The following LYPD6 variants were observed in gnomAD, a reference collection of about 807,000 sequenced individuals.
LYPD6 encodes the protein ly6/PLAUR domain-containing protein 6.
A neutral mutation model predicts 22.7 loss-of-function variants in LYPD6; 15 were observed. The observed-to-expected ratio is 0.66, with a 90% CI of 0.44 to 1.02. The LOEUF is 1.02. Among genes scored for constraint, LYPD6 ranks in the 50% least tolerant of loss-of-function variants. The pLI is 0.00. For missense variants in LYPD6, 189 were observed against 208.4 expected, an observed-to-expected ratio of 0.91 and a Z score of 0.57; for synonymous variants, 72 against 77.5, an observed-to-expected ratio of 0.93 and a Z score of 0.37.
intron 1 of LYPD6, among the ~76,000 whole-genome samples, chr2:149,331,899 C>A (rs1164070250): frequency 6.6e-6 from 1 of 152,142 alleles, no homozygotes; most frequent in South Asian, 2.1e-4. Context: ...TTGCAGATGC[C>A]ATGATATTAT....
intron 1 of LYPD6, among the ~76,000 whole-genome samples, chr2:149,345,111 A>G (rs1040187919): frequency 2.0e-5 from 3 of 152,042 alleles, no homozygotes; most frequent in Non-Finnish European, 2.9e-5. Flanking sequence ...CCCCGACCCC[A>G]TCTCTGAAAA....
intron 1 of LYPD6, among the ~76,000 whole-genome samples, chr2:149,405,310 T>C (rs1254302253): frequency 9.9e-5 from 15 of 152,266 alleles, no homozygotes; most frequent in African/African-American, 3.6e-4. Flanking sequence ...GAAGCAATGG[T>C]ACCAGTTCCT....
At chr2:149,414,042 T>A (rs564623092) in intron 1 of LYPD6, among the ~76,000 whole-genome samples, 1 of 152,236 alleles carries the variant, frequency 6.6e-6, no homozygotes, top group Non-Finnish European at 1.5e-5. Flanking sequence ...TGGCCACTTT[T>A]CCCTAGAACT....
chr2:149,330,742 C>T lies in LYPD6; in HGVS notation c.-72+20C>T, dbSNP rs1680920024. ...GCCCGGGTGAGTAGAGGCGGGCTTC[C>T]CGGGAGAGCACAAAAGAACAGGGGA... On this transcript the variant is annotated intron_variant, in intron 1 of 4. Coordinates refer to ENST00000334166, the MANE Select transcript of LYPD6 (RefSeq NM_194317.5). 6.6e-6 allele frequency: 1 copy of T among 152,258 alleles called. No individual in the cohort carries two copies. Among genetic ancestry groups the T allele is most frequent in the African/African-American group, 2.4e-5 (1 of 41,452 alleles). The allele number at this position is 152,258 out of a possible 1,614,324, so 9.4% of individuals were successfully genotyped here. A position where few individuals can be genotyped will look rare whatever the true frequency, so the allele number is the denominator to read the frequency against.
chr2:149,385,525 G>A (rs1011685809), intron 1 of LYPD6, among the ~76,000 whole-genome samples: 1 of 152,158 alleles, frequency 6.6e-6, no homozygotes, highest in Admixed American at 6.6e-5. Context: ...AAAATTCAGG[G>A]ACTTAGCTGG....
chr2:149,456,780 A>G (rs925832246), intron 3 of LYPD6, among the ~76,000 whole-genome samples: 1 of 152,182 alleles, frequency 6.6e-6, no homozygotes, highest in African/African-American at 2.4e-5. Context: ...TTAAGCATTC[A>G]TTCGGTGGTT....
At chr2:149,467,787 TAGAG>T (rs1302968062) in intron 3 of LYPD6, among the ~76,000 whole-genome samples, 1 of 152,154 alleles carries the variant, frequency 6.6e-6, no homozygotes, top group African/African-American at 2.4e-5. Flanking sequence ...ATCCCAGACT[TAGAG>T]AGCTGAACAT....
chr2:149,340,799 T>G (rs1681146567), intron 1 of LYPD6, among the ~76,000 whole-genome samples: 1 of 152,172 alleles, frequency 6.6e-6, no homozygotes, highest in Non-Finnish European at 1.5e-5. Context: ...TAGACTAAAA[T>G]AAATAAACAT....
chr2:149,478,153 G>T (rs150930804), downstream of LYPD6, among the ~76,000 whole-genome samples: 7 of 152,220 alleles, frequency 4.6e-5, no homozygotes, highest in African/African-American at 1.7e-4. Context: ...AACTTGATTA[G>T]CTGGGCTCAT....
chr2:149,466,772 A>G (rs1302990040), intron 3 of LYPD6, among the ~76,000 whole-genome samples: 1 of 152,212 alleles, frequency 6.6e-6, no homozygotes, highest in Admixed American at 6.5e-5. Flanking sequence ...TACTCATTCC[A>G]TAAGCCTATG....
chr2:149,331,674 A>G (rs1407314032), intron 1 of LYPD6, among the ~76,000 whole-genome samples: 1 of 152,158 alleles, frequency 6.6e-6, no homozygotes, highest in Non-Finnish European at 1.5e-5. Flanking sequence ...GGTCTTTGGT[A>G]GTCACTTGTT....
chr2:149,436,382 A>G (rs1457136284), intron 1 of LYPD6, among the ~76,000 whole-genome samples: 2 of 152,220 alleles, frequency 1.3e-5, no homozygotes, highest in Admixed American at 6.5e-5. Flanking sequence ...AATAAGCTTT[A>G]TAGGAAACCA....
chr2:149,372,451 A>G (rs1012114696), intron 1 of LYPD6, among the ~76,000 whole-genome samples: 4 of 152,222 alleles, frequency 2.6e-5, no homozygotes, highest in Non-Finnish European at 4.4e-5. Flanking sequence ...TTCCTCTTAA[A>G]TACTGTTGTC....
At chr2:149,336,523 G>A (rs1273509887) in intron 1 of LYPD6, among the ~76,000 whole-genome samples, 2 of 152,142 alleles carry the variant, frequency 1.3e-5, no homozygotes, top group Non-Finnish European at 2.9e-5. Flanking sequence ...GTTAGAAAAA[G>A]TGTAGGTTAT....
At chr2:149,478,423 T>C (rs1681477390), downstream of LYPD6, among the ~76,000 whole-genome samples, 4 of 150,478 alleles carry the variant, frequency 2.7e-5, 1 homozygote, top group South Asian at 8.3e-4. Context: ...TGTGGTTTTT[T>C]TTATTTTTTA....
chr2:149,434,505 A>G (rs1335654072), intron 1 of LYPD6, among the ~76,000 whole-genome samples: 4 of 152,236 alleles, frequency 2.6e-5, no homozygotes, highest in African/African-American at 4.8e-5. Context: ...CATAAAAGAT[A>G]TAGTATACAT....
At chr2:149,460,725 A>G (rs1681069702) in intron 3 of LYPD6, among the ~76,000 whole-genome samples, 1 of 152,244 alleles carries the variant, frequency 6.6e-6, no homozygotes, top group Admixed American at 6.5e-5. Flanking sequence ...AAAATAAACT[A>G]TATCCTGAGC....
intron 3 of LYPD6, among the ~76,000 whole-genome samples, chr2:149,468,177 A>T (rs1002405046): frequency 2.1e-5 from 3 of 146,186 alleles, no homozygotes; most frequent in African/African-American, 7.7e-5. Flanking sequence ...ACACACACAC[A>T]CACACACACA....
chr2:149,361,035 A>G (rs1024420685), intron 1 of LYPD6, among the ~76,000 whole-genome samples: 1 of 152,206 alleles, frequency 6.6e-6, no homozygotes, highest in African/African-American at 2.4e-5. Flanking sequence ...GACCCCTGTA[A>G]CAAAAGACAG....
Sources: gnomAD v4.1 joint callset for allele counts (sites outside exome capture counted in the v4.1 genomes callset) on GRCh38, gnomAD v4.1.1 for gene constraint, MANE v1.5 for transcripts, NCBI Gene and HGNC (gene_info 2026-07-23, HGNC 2026-07-21) for gene names.